The following MAGI1 variants were observed in gnomAD, a reference collection of about 807,000 sequenced individuals.
The protein encoded by MAGI1 is membrane associated guanylate kinase, WW and PDZ domain containing 1, also known as membrane-associated guanylate kinase, WW and PDZ domain-containing protein 1.
Under a neutral mutation model 139.9 loss-of-function variants are expected in MAGI1, and 58 were observed. That is an observed-to-expected ratio of 0.41 (90% CI 0.34 to 0.52). MAGI1 has a LOEUF of 0.52. Among genes scored for constraint, MAGI1 ranks in the 20% least tolerant of loss-of-function variants. The probability of loss-of-function intolerance (pLI) is 0.12; values close to 1 mark genes in which losing one functional copy is unlikely to be tolerated. For missense variants in MAGI1, 1,874 were observed against 1,901.6 expected (o/e 0.99, Z 0.27); for synonymous variants, 812 against 737.9 (o/e 1.10, Z -1.63).
chr3:65,824,663 C>G (rs2042129763), intron 1 of MAGI1, among the ~76,000 whole-genome samples: 1 of 152,136 alleles, frequency 6.6e-6, no homozygotes, highest in African/African-American at 2.4e-5. Flanking sequence ...ACACAGTAGC[C>G]CTCCATTCCC....
chr3:65,761,983 TC>T (rs760438484), intron 1 of MAGI1, among the ~76,000 whole-genome samples: 8 of 152,258 alleles, frequency 5.3e-5, no homozygotes, highest in Non-Finnish European at 1.0e-4. Flanking sequence ...GCTTAACCCT[TC>T]CATATCCACA....
At chr3:65,929,582 C>T (rs1021387739) in intron 1 of MAGI1, among the ~76,000 whole-genome samples, 1 of 152,102 alleles carries the variant, frequency 6.6e-6, no homozygotes, top group Non-Finnish European at 1.5e-5. Flanking sequence ...ATCCACCCAC[C>T]TCGGCCTCCC....
At chr3:65,430,918 A>G in intron 10 of MAGI1, 37 bp from the exon 11 acceptor site, 1 of 1,583,640 alleles carries the variant, frequency 6.3e-7, no homozygotes. Context: ...GAATGTCACC[A>G]CTGGTGAAAA....
chr3:65,386,366 A>G (rs1943451287), intron 14 of MAGI1, among the ~76,000 whole-genome samples: 1 of 152,226 alleles, frequency 6.6e-6, no homozygotes, highest in Admixed American at 6.5e-5. Flanking sequence ...TAAAGACACA[A>G]GAGTGAGCCA....
At chr3:65,359,346 C>T (rs148805215) in intron 22 of MAGI1, 59 of 1,372,960 alleles carry the variant, frequency 4.3e-5, no homozygotes, top group Middle Eastern at 2.7e-4. Context: ...CTGCAGAGAC[C>T]GCAATCGGAA....
At chr3:65,812,482 A>ACACACACACGCG (rs768268009) in intron 1 of MAGI1, among the ~76,000 whole-genome samples, 5 of 150,282 alleles carry the variant, frequency 3.3e-5, no homozygotes, top group Non-Finnish European at 7.4e-5. Flanking sequence ...ACACACACAC[A>ACACACACACGCG]CACACACACT....
chr3:65,393,737 A>T (rs1013691405), intron 13 of MAGI1, among the ~76,000 whole-genome samples: 42 of 152,098 alleles, frequency 2.8e-4, no homozygotes, highest in African/African-American at 1.0e-3. Flanking sequence ...ATAAGCACTA[A>T]ATTCTGACCC....
chr3:65,356,632 C>T lies in MAGI1; in HGVS notation c.4135G>A (p.Glu1379Lys). 11 of 1,589,172 alleles carry T rather than the reference C, an allele frequency of 6.9e-6. No individual in the cohort carries two copies. Among genetic ancestry groups the T allele is most frequent in the Non-Finnish European group, 9.4e-6 (11 of 1,170,024 alleles). ...CTGCGCTCGGGGGACCTCCTCTGCTCCAGGAGTCTCTCCAGAGACCGTCTC... is the reference window on the plus strand; with the variant it reads ...CTGCGCTCGGGGGACCTCCTCTGCTTCAGGAGTCTCTCCAGAGACCGTCTC... The part of the protein sequence containing the change: ...RRRRSLERLL[E>K]QRRSPERRRG... The change falls in exon 23 of 23, where the codon GAG (glutamate) becomes AAG (lysine). Residue 1379 changes from glutamate to lysine, a missense_variant. Transcript: ENST00000402939.
chr3:65,690,476 T>G (rs1355068639), intron 1 of MAGI1, among the ~76,000 whole-genome samples: 1 of 152,054 alleles, frequency 6.6e-6, no homozygotes, highest in Non-Finnish European at 1.5e-5. Context: ...ACAACTCTTT[T>G]TTCTTTCTTT....
chr3:65,840,482 T>G (rs2058767950), intron 1 of MAGI1, among the ~76,000 whole-genome samples: 1 of 152,222 alleles, frequency 6.6e-6, no homozygotes, highest in Admixed American at 6.5e-5. Flanking sequence ...AGGCATTACA[T>G]TTTATCAAAT....
chr3:65,872,288 A>G (rs899358198), intron 1 of MAGI1, among the ~76,000 whole-genome samples: 2 of 152,244 alleles, frequency 1.3e-5, no homozygotes, highest in Non-Finnish European at 2.9e-5. Flanking sequence ...TTAAGTAGCT[A>G]GTAAATGGCA....
intron 1 of MAGI1, among the ~76,000 whole-genome samples, chr3:65,942,470 C>T (rs908874690): frequency 3.3e-5 from 5 of 152,106 alleles, no homozygotes; most frequent in South Asian, 2.1e-4. Flanking sequence ...CCCCATTACC[C>T]GGGGGCCAGA....
At chr3:65,950,067 C>CAAAAAAAAAAAAAAAAAAAAAAA (rs61696952) in intron 1 of MAGI1, among the ~76,000 whole-genome samples, 7 of 76,712 alleles carry the variant, frequency 9.1e-5, no homozygotes, top group African/African-American at 1.2e-4. Context: ...AACAAAAAAA[C>CAAAAAAAAAAAAAAAAAAAAAAA]AAAAAAAAAA....
intron 1 of MAGI1, among the ~76,000 whole-genome samples, chr3:65,665,155 T>C: frequency 6.6e-6 from 1 of 152,302 alleles, no homozygotes; most frequent in Middle Eastern, 3.4e-3. Flanking sequence ...CTCAGCAAAT[T>C]TCCTACCTCT....
At chr3:65,907,650 T>C (rs1007895446) in intron 1 of MAGI1, 1 of 152,210 alleles carries the variant, frequency 6.6e-6, no homozygotes, top group Non-Finnish European at 1.5e-5. Context: ...CTTCAGTGGA[T>C]CTGGTGTTTT....
At chr3:65,882,418 A>C (rs2060363471) in intron 1 of MAGI1, among the ~76,000 whole-genome samples, 1 of 152,138 alleles carries the variant, frequency 6.6e-6, no homozygotes. Context: ...AATAGTTTTT[A>C]TATCACTCAG....
rs191228917 is a variant in MAGI1, at chr3:65,836,591, C to T, written c.313+201405G>A. ...ATCTCAGCACTTTGGGAGGCTGAGG[C>T]GGGTGGATCACGAGGTCAGGAGTTC... On this transcript the variant is annotated intron_variant, in intron 1 of 22. Transcript: ENST00000402939. Among the ~76,000 whole-genome samples the T allele has an allele frequency of 3.4e-3, 524 of 152,102 alleles. 2 individuals carry two copies. Among genetic ancestry groups the T allele is most frequent in the African/African-American group, 6.9e-3 (285 of 41,490 alleles).
rs1444851467 is a variant in MAGI1 at position 65,442,810 on chromosome 3, T to C, written c.1118A>G (p.Tyr373Cys). 6.2e-7 allele frequency: 1 copy of C among 1,613,010 alleles called. No homozygotes were observed. Among genetic ancestry groups the C allele is most frequent in the Non-Finnish European group, 8.5e-7 (1 of 1,179,276 alleles). ...CACTTACTCTACATAGTAGATACCA[T>C]AGACAGGGTCTTCAATCTTTTCCCA... ...AGWEKIEDPV[Y>C]GIYYVDHINR... Residue 373 changes from tyrosine (Y) to cysteine (C), a missense_variant, in exon 8 of 23, where the codon TAT becomes TGT. Physicochemically the swap from Tyr to Cys is radical, Grantham distance 194. Coordinates refer to ENST00000402939, the MANE Select transcript of MAGI1 (RefSeq NM_001033057.2).
At chr3:65,372,457 G>T (rs1244744136) in intron 18 of MAGI1, among the ~76,000 whole-genome samples, 2 of 152,166 alleles carry the variant, frequency 1.3e-5, no homozygotes, top group East Asian at 1.9e-4. Context: ...AGTACATTTA[G>T]CATCATTCTG....
Sources: allele counts gnomAD v4.1 joint callset (sites outside exome capture counted in the v4.1 genomes callset), GRCh38; gene constraint gnomAD v4.1.1; transcripts MANE v1.5; gene names NCBI Gene and HGNC (gene_info 2026-07-23, HGNC 2026-07-21).